LRRC7: variants seen among roughly 807,000 people sequenced by gnomAD.
LRRC7 encodes leucine-rich repeat-containing protein 7.
A neutral mutation model predicts 175.7 loss-of-function variants in LRRC7; 23 were observed. That is an observed-to-expected ratio of 0.13 (90% CI 0.09 to 0.19). The LOEUF (loss-of-function observed/expected upper bound fraction) is 0.19. Among genes scored for constraint, LRRC7 ranks in the 10% least tolerant of loss-of-function variants. The pLI, the probability that LRRC7 is intolerant of heterozygous loss-of-function variation, is 1.00. For missense variants in LRRC7, 1,354 were observed against 1,904.7 expected (o/e 0.71, Z 5.38); for synonymous variants, 685 against 680.9 (o/e 1.01, Z -0.09).
At chr1:70,040,865 A>G (rs1285246342) in intron 21 of LRRC7, among the ~76,000 whole-genome samples, 2 of 152,076 alleles carry the variant, frequency 1.3e-5, no homozygotes, top group Admixed American at 6.6e-5. Context: ...ATATGCAGGG[A>G]TCAGGGACAG....
intron 8 of LRRC7, among the ~76,000 whole-genome samples, chr1:69,947,029 G>A (rs1420682821): frequency 1.3e-5 from 2 of 152,006 alleles, no homozygotes; most frequent in African/African-American, 4.8e-5. Flanking sequence ...AGTGAGCTGA[G>A]ATCGCACCAC....
chr1:69,909,220 T>A (rs1343185971), intron 7 of LRRC7, among the ~76,000 whole-genome samples: 1 of 152,186 alleles, frequency 6.6e-6, no homozygotes, highest in Non-Finnish European at 1.5e-5. Context: ...TGACTCTTTA[T>A]CCAATTTGCC....
intron 22 of LRRC7, among the ~76,000 whole-genome samples, chr1:70,045,777 C>T (rs182190220): frequency 3.9e-5 from 6 of 152,096 alleles, no homozygotes; most frequent in Admixed American, 1.3e-4. Context: ...TGGTGGAAGG[C>T]GAAGGAGGAG....
At position 69,713,908 on chromosome 1, in the gene LRRC7, A is replaced by G. The variant is rs762194129; in HGVS notation, c.100+35430A>G. On this transcript the variant is annotated intron_variant, in intron 2 of 26. Coordinates refer to ENST00000651989, the MANE Select transcript of LRRC7 (RefSeq NM_001370785.2). ...CAGACACCTAAGAGCTTTGCTTAGA[A>G]AATTTACCCAGTAATCTTGCTAATT... Among the ~76,000 whole-genome samples, 28 of 152,004 alleles carry G rather than the reference A, an allele frequency of 1.8e-4. 1 individual carries two copies. Among genetic ancestry groups the G allele is most frequent in the Non-Finnish European group, 2.1e-4 (14 of 68,000 alleles).
chr1:69,821,799 G>A (rs776134079), intron 4 of LRRC7, among the ~76,000 whole-genome samples: 8 of 152,170 alleles, frequency 5.3e-5, no homozygotes, highest in Non-Finnish European at 7.4e-5. Context: ...GGAGGCTGAG[G>A]CAGGATAATC....
chr1:69,721,090 T>C (rs1666293363), intron 2 of LRRC7, among the ~76,000 whole-genome samples: 1 of 151,810 alleles, frequency 6.6e-6, no homozygotes, highest in Non-Finnish European at 1.5e-5. Context: ...GTTAGATTAA[T>C]TGCAAAACTT....
chr1:70,122,059 A>C lies in LRRC7; in HGVS notation c.*172A>C. 2.0e-6 allele frequency: 1 copy of C among 489,502 alleles called. No homozygotes were observed. The highest frequency in any genetic ancestry group is 3.6e-6 in the Non-Finnish European group (1 of 277,202). The allele number at this position is 489,502 out of a possible 1,614,324, so 30.3% of individuals were successfully genotyped here. ...CTTAAAAAATGTTAACTCTATAAAT[A>C]TGATGTTCATGTGGTTATGTATTAG... On this transcript the variant is annotated 3_prime_UTR_variant, in exon 27 of 27. Coordinates refer to ENST00000651989, the MANE Select transcript of LRRC7 (RefSeq NM_001370785.2).
intron 2 of LRRC7, among the ~76,000 whole-genome samples, chr1:69,712,162 T>A (rs965998041): frequency 6.6e-6 from 1 of 151,896 alleles, no homozygotes; most frequent in African/African-American, 2.4e-5. Flanking sequence ...AAAATAGACT[T>A]TAACCTGGAG....
chr1:70,104,407 G>A (rs931072298), intron 25 of LRRC7, among the ~76,000 whole-genome samples: 13 of 152,192 alleles, frequency 8.5e-5, no homozygotes, highest in Admixed American at 2.0e-4. Flanking sequence ...TAAAAATTAG[G>A]CCACTGACCT....
chr1:69,694,832 C>G (rs1467405769), intron 2 of LRRC7, among the ~76,000 whole-genome samples: 1 of 152,044 alleles, frequency 6.6e-6, no homozygotes, highest in Non-Finnish European at 1.5e-5. Context: ...GAGGCCCTCA[C>G]TAGAAGCAGA....
intron 8 of LRRC7, among the ~76,000 whole-genome samples, chr1:69,948,365 C>T (rs745374573): frequency 2.1e-4 from 32 of 152,062 alleles, no homozygotes; most frequent in Non-Finnish European, 3.5e-4. Context: ...ACTTGAAGGA[C>T]TCTCTATAGC....
At chr1:69,580,849 G>T (rs1646170599) in intron 1 of LRRC7, among the ~76,000 whole-genome samples, 1 of 152,158 alleles carries the variant, frequency 6.6e-6, no homozygotes. Flanking sequence ...AGAAGAAAAA[G>T]ACCAAGGTAC....
intron 5 of LRRC7, among the ~76,000 whole-genome samples, chr1:69,826,931 A>C (rs1320691122): frequency 6.6e-6 from 1 of 152,120 alleles, no homozygotes; most frequent in African/African-American, 2.4e-5. Context: ...AAATAGATGT[A>C]AAAGAATGAG....
intron 2 of LRRC7, among the ~76,000 whole-genome samples, chr1:69,743,701 G>A (rs915329680): frequency 2.0e-5 from 3 of 151,922 alleles, no homozygotes; most frequent in South Asian, 2.1e-4. Context: ...CTAGAAGGTG[G>A]AAGTAACTTA....
intron 7 of LRRC7, among the ~76,000 whole-genome samples, chr1:69,882,234 T>A (rs1557846333): frequency 6.6e-6 from 1 of 152,076 alleles, no homozygotes; most frequent in Non-Finnish European, 1.5e-5. Flanking sequence ...AACTAGATAT[T>A]GGAAAGAGAG....
At chr1:70,106,584 A>T (rs1011863721) in intron 25 of LRRC7, among the ~76,000 whole-genome samples, 1 of 152,132 alleles carries the variant, frequency 6.6e-6, no homozygotes, top group Admixed American at 6.6e-5. Context: ...TATCACAATC[A>T]TGTTTAAAAT....
intron 2 of LRRC7, among the ~76,000 whole-genome samples, chr1:69,757,484 GGA>G (rs1309968174): frequency 6.6e-6 from 1 of 151,940 alleles, no homozygotes; most frequent in African/African-American, 2.4e-5. Flanking sequence ...GGAGCAGAGG[GGA>G]GAGAAGAAGC....
At chr1:70,089,092 T>C (rs565502942) in intron 24 of LRRC7, among the ~76,000 whole-genome samples, 11 of 152,234 alleles carry the variant, frequency 7.2e-5, no homozygotes, top group African/African-American at 2.4e-4. Flanking sequence ...TTCTCCCCTT[T>C]CTTCTAAGGT....
At chr1:70,019,898 CA>C (rs1318536136) in intron 15 of LRRC7, among the ~76,000 whole-genome samples, 2 of 151,824 alleles carry the variant, frequency 1.3e-5, no homozygotes, top group Non-Finnish European at 2.9e-5. Flanking sequence ...TCTACATTAT[CA>C]AAATATTTAA....
Sources: gnomAD v4.1 joint callset for allele counts (sites outside exome capture counted in the v4.1 genomes callset) on GRCh38, gnomAD v4.1.1 for gene constraint, MANE v1.5 for transcripts, NCBI Gene and HGNC (gene_info 2026-07-23, HGNC 2026-07-21) for gene names.